POFUT2: variants seen among roughly 807,000 people sequenced by gnomAD.
The protein encoded by POFUT2 is protein O-fucosyltransferase 2.
A neutral mutation model predicts 55.0 loss-of-function variants in POFUT2; 30 were observed. The observed-to-expected ratio is 0.55, with a 90% CI of 0.41 to 0.74. POFUT2 has a LOEUF of 0.74. Ranked by LOEUF, POFUT2 falls within the 30% of genes least tolerant of loss-of-function variation. POFUT2 has a pLI of 0.00. For synonymous variants in POFUT2, 267 were observed against 231.1 expected, an observed-to-expected ratio of 1.16 and a Z score of -1.41; for missense variants, 524 against 562.6, an observed-to-expected ratio of 0.93 and a Z score of 0.69.
rs536110735 is a variant in POFUT2, at chr21:45,276,329, A to G, written c.831+688T>C. ...ATTTTTTCCCCAGTAAAAACTGTCCAAGTAACTTAATTATTGCTGGAACAA... is the reference window on the plus strand; with the variant it reads ...ATTTTTTCCCCAGTAAAAACTGTCCGAGTAACTTAATTATTGCTGGAACAA... On this transcript the variant is annotated intron_variant, in intron 6 of 8. Transcript: ENST00000349485. 3.9e-5 allele frequency among the ~76,000 whole-genome samples: 6 copies of G among 152,290 alleles called. No homozygotes were observed. In the South Asian group the frequency reaches 1.2e-3, roughly 32 times the overall value.
intron 3 of POFUT2, among the ~76,000 whole-genome samples, chr21:45,283,147 G>A (rs2030901892): frequency 1.3e-5 from 2 of 150,764 alleles, no homozygotes; most frequent in South Asian, 4.2e-4. Flanking sequence ...CCAGAACCCT[G>A]CATCAGCAAC....
At position 45,265,808 on chromosome 21, in the gene POFUT2, C is replaced by G; in HGVS notation, c.1137-173G>C. 7.0e-7 allele frequency: 1 copy of G among 1,419,522 alleles called. No homozygotes were observed. The highest frequency in any genetic ancestry group is 9.2e-7 in the Non-Finnish European group (1 of 1,089,906). 87.9% of individuals were successfully genotyped at this position (1,419,522 alleles called of 1,614,324 possible). ...CGGCCGCCCCCTTGCTGGCACCCCT[C>G]GCTCAGGTGCCCTCGACATCGGCGC... On this transcript the variant is annotated intron_variant, in intron 8 of 8. Coordinates refer to ENST00000349485, the MANE Select transcript of POFUT2 (RefSeq NM_133635.6). The surrounding 1 kb of genome is among the most constrained non-coding windows in gnomAD (Gnocchi z 4.6).
In POFUT2 at chr21:45,282,896, C is replaced by CT; in HGVS notation, c.528-438dup. On this transcript the variant is annotated intron_variant, in intron 3 of 8. Transcript: ENST00000349485. This position sits in a 1 kb window ranked among gnomAD's most constrained non-coding sequence, Gnocchi z 4.6. ...ACAGGAGGCCTGGTAGTGTCAGAGC[C>CT]TTTAATGGCAATCGACACTTGGGAC... is the stretch of plus-strand genomic sequence containing the variant. 2.1e-6 allele frequency: 1 copy of CT among 475,580 alleles called. No individual in the cohort carries two copies. Among genetic ancestry groups the CT allele is most frequent in the Non-Finnish European group, 4.3e-6 (1 of 230,348 alleles). The allele number at this position is 475,580 out of a possible 1,614,324, so 29.5% of individuals were successfully genotyped here.
In POFUT2 at chr21:45,265,164, C is replaced by T. The variant is rs182781685; in HGVS notation, c.*318G>A. On this transcript the variant is annotated 3_prime_UTR_variant, in exon 9 of 9. Coordinates refer to ENST00000349485, the MANE Select transcript of POFUT2 (RefSeq NM_133635.6). The surrounding 1 kb of genome is among the most constrained non-coding windows in gnomAD (Gnocchi z 4.6). ...TGAAAGGTGGCTGGAAAGGCCAGAGCGGGAGCCTGACAAACACTCCTGCTT... is the reference window on the plus strand; with the variant it reads ...TGAAAGGTGGCTGGAAAGGCCAGAGTGGGAGCCTGACAAACACTCCTGCTT... The T allele has an allele frequency of 9.9e-4, 255 of 256,344 alleles. No homozygotes were observed. Among genetic ancestry groups the T allele is most frequent in the Non-Finnish European group, 1.7e-3 (230 of 134,930 alleles). The allele number at this position is 256,344 out of a possible 1,614,324, so 15.9% of individuals were successfully genotyped here. A position where few individuals can be genotyped will look rare whatever the true frequency, so the allele number is the denominator to read the frequency against.
At position 45,283,583 on chromosome 21, in the gene POFUT2, G is replaced by C. The variant is rs927853930; in HGVS notation, c.383-56C>G. 8 of 1,582,710 alleles carry C rather than the reference G, an allele frequency of 5.1e-6. 1 individual carries two copies. The highest frequency in any genetic ancestry group is 3.4e-5 in the South Asian group (3 of 89,122). On this transcript the variant is annotated intron_variant, in intron 2 of 8. Coordinates refer to ENST00000349485, the MANE Select transcript of POFUT2 (RefSeq NM_133635.6). ...TGACAGCGATCAGAAGCTCACTTAC[G>C]GGCATGCATCAGTCACCAGCAGCTG...
chr21:45,267,448 G>A lies in POFUT2; in HGVS notation c.1136+142C>T, dbSNP rs1340898437. ...AAACACTGAACCAGATGCTACAGGA[G>A]ACTCAGACGAGGAGGCAAACAGTAT... is the stretch of plus-strand genomic sequence containing the variant. On this transcript the variant is annotated intron_variant, in intron 8 of 8. Transcript: ENST00000349485. This position sits in a 1 kb window ranked among gnomAD's most constrained non-coding sequence, Gnocchi z 4.4. The A allele has an allele frequency of 1.7e-5, 27 of 1,613,704 alleles. No individual in the cohort carries two copies. In the East Asian group the frequency reaches 6.0e-4, roughly 36 times the overall value.
intron 4 of POFUT2, among the ~76,000 whole-genome samples, chr21:45,279,165 G>A (rs1198637814): frequency 6.6e-6 from 1 of 150,752 alleles, no homozygotes; most frequent in African/African-American, 2.5e-5. Context: ...GCCAAGGTGG[G>A]CGGATCACGA....
Position 45,266,905 on chromosome 21 carries a change from T to C in POFUT2, c.1136+685A>G, listed in dbSNP as rs1315604001. The C allele has an allele frequency of 3.0e-6, 3 of 1,014,420 alleles. No homozygotes were observed. The East Asian group carries it at 3.0e-4, about 102-fold the overall frequency. 62.8% of individuals were successfully genotyped at this position (1,014,420 alleles called of 1,614,324 possible). On this transcript the variant is annotated intron_variant, in intron 8 of 8. Transcript: ENST00000349485. ...AACCGTTTCACCCTAACCCCAGCCT[T>C]CATCTCCTATGCAGATGGGCAGGCA...
rs561832934 is a variant in POFUT2, at chr21:45,267,813, A to G, written c.1013-100T>C. 6.7e-6 allele frequency: 7 copies of G among 1,048,212 alleles called. No individual in the cohort carries two copies. The East Asian group carries it at 1.7e-4, about 25-fold the overall frequency. 64.9% of individuals were successfully genotyped at this position (1,048,212 alleles called of 1,614,324 possible). On this transcript the variant is annotated intron_variant, in intron 7 of 8. Transcript: ENST00000349485. The surrounding 1 kb of genome is among the most constrained non-coding windows in gnomAD (Gnocchi z 4.4). The stretch of plus-strand genomic sequence containing the variant: ...GACATGCGTACTTGGCTTCTGGTTA[A>G]TTCGTTAGGAACTGGCTCCAAAGGT...
Position 45,281,436 on chromosome 21 carries a change from C to T in POFUT2, c.638+913G>A, listed in dbSNP as rs544259375. Among the ~76,000 whole-genome samples the T allele has an allele frequency of 1.2e-4, 18 of 152,258 alleles. No homozygotes were observed. The highest frequency in any genetic ancestry group is 5.9e-4 in the Admixed American group (9 of 15,298). On this transcript the variant is annotated intron_variant, in intron 4 of 8. Transcript: ENST00000349485. This position sits in a 1 kb window ranked among gnomAD's most constrained non-coding sequence, Gnocchi z 5.0. ...ACCTCTGAGTTCTGTCTGCAACAGC[C>T]GGGCTGGCTGAGCAGCAGACACGCG...
Position 45,282,214 on chromosome 21 carries a change from G to A in POFUT2, c.638+135C>T. 1.5e-6 allele frequency: 1 copy of A among 647,204 alleles called. No homozygotes were observed. Among genetic ancestry groups the A allele is most frequent in the Admixed American group, 2.8e-5 (1 of 36,156 alleles). 40.1% of individuals were successfully genotyped at this position (647,204 alleles called of 1,614,324 possible). A position where few individuals can be genotyped will look rare whatever the true frequency, so the allele number is the denominator to read the frequency against. On this transcript the variant is annotated intron_variant, in intron 4 of 8. Coordinates refer to ENST00000349485, the MANE Select transcript of POFUT2 (RefSeq NM_133635.6). The surrounding 1 kb of genome is among the most constrained non-coding windows in gnomAD (Gnocchi z 4.6). ...GCACTTCCCTAACCACCACCCCCCA[G>A]GGCCCCCAGGGTCCGCTGTCTGTGA... is the stretch of plus-strand genomic sequence containing the variant.
In POFUT2 at chr21:45,281,424, G is replaced by A. The variant is rs1158118106; in HGVS notation, c.638+925C>T. 6.6e-6 allele frequency among the ~76,000 whole-genome samples: 1 copy of A among 152,154 alleles called. No homozygotes were observed. The highest frequency in any genetic ancestry group is 1.9e-4 in the East Asian group (1 of 5,192). ...GCTCCCTCCACAACCTCTGAGTTCT[G>A]TCTGCAACAGCCGGGCTGGCTGAGC... On this transcript the variant is annotated intron_variant, in intron 4 of 8. Coordinates refer to ENST00000349485, the MANE Select transcript of POFUT2 (RefSeq NM_133635.6). The surrounding 1 kb of genome is among the most constrained non-coding windows in gnomAD (Gnocchi z 5.0).
In POFUT2 at chr21:45,267,842, GAC is replaced by G. The variant is rs146814216; in HGVS notation, c.1013-131_1013-130del. On this transcript the variant is annotated intron_variant, in intron 7 of 8. Coordinates refer to ENST00000349485, the MANE Select transcript of POFUT2 (RefSeq NM_133635.6). The surrounding 1 kb of genome is among the most constrained non-coding windows in gnomAD (Gnocchi z 4.4). ...GTTAGGAACTGGCTCCAAAGGTGCA[GAC>G]ACACAACTCAGCTTTACCCTCCCAG... 2.0e-3 allele frequency: 1,493 copies of G among 764,698 alleles called. 26 individuals carry two copies. In the East Asian group the frequency reaches 0.033, roughly 17 times the overall value. 47.4% of individuals were successfully genotyped at this position (764,698 alleles called of 1,614,324 possible).
chr21:45,275,615 T>C (rs905234001), intron 6 of POFUT2, among the ~76,000 whole-genome samples: 1 of 152,238 alleles, frequency 6.6e-6, no homozygotes, highest in African/African-American at 2.4e-5. Context: ...TGGATGGAGC[T>C]GGAGACCATT....
Position 45,264,830 on chromosome 21 carries a change from C to G in POFUT2, c.*652G>C, listed in dbSNP as rs1056093490. 1 of 152,450 alleles carries G rather than the reference C, an allele frequency of 6.6e-6. No homozygotes were observed. The highest frequency in any genetic ancestry group is 1.5e-5 in the Non-Finnish European group (1 of 68,218). 9.4% of individuals were successfully genotyped at this position (152,450 alleles called of 1,614,324 possible). ...CCCCAGAGACGTCACTGAAAAACTT[C>G]CCAGTGCTCTGACGTGCCAGCAGTA... On this transcript the variant is annotated 3_prime_UTR_variant, in exon 9 of 9. Transcript: ENST00000349485.
chr21:45,286,079 T>C (rs980325990), intron 1 of POFUT2, 151 bp from the exon 2 acceptor site: 5 of 657,838 alleles, frequency 7.6e-6, no homozygotes, highest in East Asian at 2.6e-5. Context: ...TGTTTCTCTA[T>C]GACCAGTTAC....
chr21:45,276,500 C>T (rs2093265457), intron 6 of POFUT2, among the ~76,000 whole-genome samples: 2 of 152,190 alleles, frequency 1.3e-5, no homozygotes, highest in African/African-American at 4.8e-5. Flanking sequence ...AAAAGCAACA[C>T]ATTTGTTGAA....
At chr21:45,269,802 A>G in intron 7 of POFUT2, 37 bp downstream of exon 7, 1 of 1,563,110 alleles carries the variant, frequency 6.4e-7, no homozygotes, top group Non-Finnish European at 8.7e-7. Flanking sequence ...AATAAATTAA[A>G]AGAAAGGAAA....
At chr21:45,276,349 G>A (rs554859179) in intron 6 of POFUT2, among the ~76,000 whole-genome samples, 1 of 151,714 alleles carries the variant, frequency 6.6e-6, no homozygotes, top group South Asian at 2.1e-4. Context: ...ATTATTGCTG[G>A]AACAATGAAT....
Sources: gnomAD v4.1 joint callset for allele counts (sites outside exome capture counted in the v4.1 genomes callset) on GRCh38, gnomAD v4.1.1 for gene constraint, Gnocchi (gnomAD v3.1) non-coding constraint, MANE v1.5 for transcripts, NCBI Gene and HGNC (gene_info 2026-07-23, HGNC 2026-07-21) for gene names.